The following EIF2B3 variants were observed in gnomAD, a reference collection of about 807,000 sequenced individuals.
EIF2B3 encodes the protein eukaryotic translation initiation factor 2B subunit gamma, also known as translation initiation factor eIF2B subunit gamma.
In EIF2B3, 20 loss-of-function variants were observed where a neutral mutation model predicts 54.1. That is an observed-to-expected ratio of 0.37 (90% CI 0.26 to 0.54). The LOEUF is 0.54. Among genes scored for constraint, EIF2B3 ranks in the 20% least tolerant of loss-of-function variants. The pLI is 0.86. For missense variants in EIF2B3, 448 were observed against 547.8 expected (o/e 0.82, Z 1.82); for synonymous variants, 153 against 188.1 (o/e 0.81, Z 1.52).
At chr1:44,924,236 AG>A (rs1643808425) in intron 5 of EIF2B3, among the ~76,000 whole-genome samples, 1 of 150,616 alleles carries the variant, frequency 6.6e-6, no homozygotes, top group Admixed American at 6.6e-5. Context: ...CACCGCGCCC[AG>A]CCAGAGATTC....
chr1:44,984,183 AAAAAT>A (rs1399340755), intron 1 of EIF2B3, among the ~76,000 whole-genome samples: 2 of 151,950 alleles, frequency 1.3e-5, no homozygotes, highest in African/African-American at 4.8e-5. Context: ...CCGTCTCAAA[AAAAAT>A]AAAATAAAAT....
chr1:44,943,757 G>A (rs1390492273), intron 3 of EIF2B3, among the ~76,000 whole-genome samples: 2 of 152,120 alleles, frequency 1.3e-5, no homozygotes, highest in Non-Finnish European at 2.9e-5. Flanking sequence ...TACCAACGAA[G>A]AAACAGATTT....
At chr1:44,892,929 C>G (rs895547561) in intron 6 of EIF2B3, among the ~76,000 whole-genome samples, 1 of 152,204 alleles carries the variant, frequency 6.6e-6, no homozygotes, top group Non-Finnish European at 1.5e-5. Context: ...CTGAACTGAA[C>G]AGTAAGAAAC....
intron 3 of EIF2B3, among the ~76,000 whole-genome samples, chr1:44,947,232 C>A (rs1644112394): frequency 6.6e-6 from 1 of 152,150 alleles, no homozygotes. Context: ...TGTGTGCACT[C>A]TTGACAATAT....
chr1:44,918,741 C>A (rs1006799447), intron 5 of EIF2B3, among the ~76,000 whole-genome samples: 1 of 152,166 alleles, frequency 6.6e-6, no homozygotes, highest in Admixed American at 6.6e-5. Context: ...CAGGAATAAT[C>A]TGATTTTCCA....
chr1:44,984,797 C>CTTTTTTTTTTTTTTTTTTTTTTTTTT lies in EIF2B3; in HGVS notation c.-10+1695_-10+1696insAAAAAAAAAAAAAAAAAAAAAAAAAA, dbSNP rs71040529. Among the ~76,000 whole-genome samples the CTTTTTTTTTTTTTTTTTTTTTTTTTT allele has an allele frequency of 1.6e-4, 14 of 88,530 alleles. 2 individuals carry two copies. The highest frequency in any genetic ancestry group is 2.2e-4 in the African/African-American group (4 of 18,586). 58.1% of individuals were successfully genotyped at this position (88,530 alleles called of 152,430 possible). On this transcript the variant is annotated intron_variant, in intron 1 of 11. Coordinates refer to ENST00000360403, the MANE Select transcript of EIF2B3 (RefSeq NM_020365.5). ...GTAAAGCAGACAAAATAATGTCCAT[C>CTTTTTTTTTTTTTTTTTTTTTTTTTT]TTTTTTTTTTTTTTTTTTTTGAGAC...
At chr1:44,960,781 AG>A (rs1453395262) in intron 3 of EIF2B3, among the ~76,000 whole-genome samples, 7 of 152,198 alleles carry the variant, frequency 4.6e-5, no homozygotes, top group Non-Finnish European at 8.8e-5. Flanking sequence ...ATTTTATAAA[AG>A]CAACATGAGC....
At chr1:44,885,275 A>C (rs1424583632) in intron 6 of EIF2B3, among the ~76,000 whole-genome samples, 1 of 152,244 alleles carries the variant, frequency 6.6e-6, no homozygotes, top group Non-Finnish European at 1.5e-5. Flanking sequence ...ATTGCTATGA[A>C]TAGGGCAAAG....
intron 5 of EIF2B3, among the ~76,000 whole-genome samples, chr1:44,903,753 T>C (rs755404641): frequency 1.2e-4 from 18 of 152,200 alleles, no homozygotes; most frequent in Non-Finnish European, 2.1e-4. Context: ...AGTTACTCAG[T>C]GAGAAAGGAA....
At chr1:44,908,537 C>T (rs57104118) in intron 5 of EIF2B3, among the ~76,000 whole-genome samples, 22,590 of 152,048 alleles carry the variant, frequency 0.15, 1,801 homozygotes, top group Non-Finnish European at 0.17. Context: ...CAGAAGTTAA[C>T]AGAACTATAA....
chr1:44,931,285 A>G (rs1643894689), intron 4 of EIF2B3, among the ~76,000 whole-genome samples: 1 of 152,214 alleles, frequency 6.6e-6, no homozygotes, highest in Non-Finnish European at 1.5e-5. Flanking sequence ...AATTCTCCCA[A>G]TAACCAAGTA....
chr1:44,915,442 G>T (rs1643602679), intron 5 of EIF2B3, among the ~76,000 whole-genome samples: 2 of 152,120 alleles, frequency 1.3e-5, no homozygotes, highest in South Asian at 4.2e-4. Context: ...GTTCACTGCA[G>T]CCTTGGCCTC....
At chr1:44,980,233 G>A (rs569184771) in intron 2 of EIF2B3, among the ~76,000 whole-genome samples, 49 of 152,264 alleles carry the variant, frequency 3.2e-4, no homozygotes, top group Middle Eastern at 6.8e-3. Context: ...GGGAGGCCGA[G>A]GTGGGCAGAT....
chr1:44,937,888 A>G (rs1323965676), intron 4 of EIF2B3, among the ~76,000 whole-genome samples: 2 of 50,634 alleles, frequency 3.9e-5, no homozygotes, highest in Admixed American at 2.5e-4. Context: ...CGTCTCAAAA[A>G]AAAAAAAAAA....
chr1:44,942,419 T>TATATA (rs1557697171), intron 3 of EIF2B3, among the ~76,000 whole-genome samples: 3 of 27,704 alleles, frequency 1.1e-4, no homozygotes, highest in East Asian at 3.2e-3. Context: ...ATATATATAT[T>TATATA]TTTTTTTTTT....
At chr1:44,906,745 G>T (rs1306862405) in intron 5 of EIF2B3, among the ~76,000 whole-genome samples, 1 of 152,150 alleles carries the variant, frequency 6.6e-6, no homozygotes, top group Non-Finnish European at 1.5e-5. Flanking sequence ...CCCCACCCTT[G>T]AGGTTCAACA....
chr1:44,941,890 G>A (rs1048675333), intron 3 of EIF2B3, among the ~76,000 whole-genome samples: 33 of 152,094 alleles, frequency 2.2e-4, no homozygotes, highest in Admixed American at 2.0e-3. Context: ...GAACTGTGTG[G>A]GCAGTCCCTG....
chr1:44,911,466 T>G (rs1159857574), intron 5 of EIF2B3, among the ~76,000 whole-genome samples: 1 of 152,216 alleles, frequency 6.6e-6, no homozygotes, highest in Non-Finnish European at 1.5e-5. Context: ...CACATCCACC[T>G]GCTCTTCATT....
chr1:44,903,277 G>C (rs988195316), intron 5 of EIF2B3, among the ~76,000 whole-genome samples: 3 of 152,150 alleles, frequency 2.0e-5, no homozygotes, highest in African/African-American at 7.2e-5. Context: ...AAAGCTCTTA[G>C]TGACTCTAAA....
Sources: allele counts gnomAD v4.1 joint callset (sites outside exome capture counted in the v4.1 genomes callset), GRCh38; gene constraint gnomAD v4.1.1; transcripts MANE v1.5; gene names NCBI Gene and HGNC (gene_info 2026-07-23, HGNC 2026-07-21).